GSPT1: variants seen among roughly 807,000 people sequenced by gnomAD.
The protein encoded by GSPT1 is G1 to S phase transition 1, also known as eukaryotic peptide chain release factor GTP-binding subunit ERF3A.
In GSPT1, 20 loss-of-function variants were observed where a neutral mutation model predicts 72.5. The observed-to-expected ratio is 0.28, with a 90% CI of 0.19 to 0.40. GSPT1 has a LOEUF of 0.40. Ranked by LOEUF, GSPT1 falls within the 10% of genes least tolerant of loss-of-function variation. The pLI is 1.00. For missense variants in GSPT1, 580 were observed against 811.9 expected (o/e 0.71, Z 3.47); for synonymous variants, 334 against 293.5 (o/e 1.14, Z -1.41).
chr16:11,878,263 C>G (rs1186420327), intron 11 of GSPT1, among the ~76,000 whole-genome samples: 1 of 152,022 alleles, frequency 6.6e-6, no homozygotes, highest in African/African-American at 2.4e-5. Context: ...TTACAGGCAC[C>G]CACCACCATG....
chr16:11,879,752 A>C (rs988497490), intron 11 of GSPT1, among the ~76,000 whole-genome samples: 1 of 150,586 alleles, frequency 6.6e-6, no homozygotes, highest in Admixed American at 6.6e-5. Context: ...AAAAAAAAAA[A>C]AAACAAAACA....
At chr16:11,875,634 T>A (rs2054038716) in intron 14 of GSPT1, 127 bp downstream of exon 14, 1 of 629,938 alleles carries the variant, frequency 1.6e-6, no homozygotes, top group Admixed American at 3.4e-5. Flanking sequence ...AAAACACTCA[T>A]ACGAATAAGA....
chr16:11,886,429 C>T (rs1567439672), intron 9 of GSPT1, 42 bp downstream of exon 9: 1 of 1,394,022 alleles, frequency 7.2e-7, no homozygotes, highest in East Asian at 2.3e-5. Flanking sequence ...TAAGTAATAA[C>T]ATCCTTTTCC....
chr16:11,891,666 T>A (rs1034421001), intron 5 of GSPT1, among the ~76,000 whole-genome samples: 65 of 134,488 alleles, frequency 4.8e-4, no homozygotes, highest in Admixed American at 1.9e-3. Flanking sequence ...CTGGCCATAT[T>A]TTTTTTTTTT....
At chr16:11,891,377 T>C (rs2054258835) in intron 5 of GSPT1, among the ~76,000 whole-genome samples, 1 of 148,458 alleles carries the variant, frequency 6.7e-6, no homozygotes, top group South Asian at 2.1e-4. Context: ...TATTTTTTTT[T>C]TTGAGACAGA....
intron 5 of GSPT1, among the ~76,000 whole-genome samples, chr16:11,893,696 C>G (rs933732582): frequency 2.2e-4 from 34 of 152,166 alleles, no homozygotes; most frequent in African/African-American, 8.2e-4. Context: ...AGTGTGACGC[C>G]ACCAAAACTT....
Position 11,875,793 on chromosome 16 carries a change from G to C in GSPT1, c.1829C>G (p.Pro610Arg), listed in dbSNP as rs969134385. 1.2e-6 allele frequency: 2 copies of C among 1,612,264 alleles called. No individual in the cohort carries two copies. Among genetic ancestry groups the C allele is most frequent in the African/African-American group, 2.7e-5 (2 of 74,730 alleles). Reference protein sequence around the residue: ...TICLETFKDFPQMGRFTLRDE... With the variant: ...TICLETFKDFRQMGRFTLRDE... The stretch of plus-strand genomic sequence containing the variant: ...TCTTAAGGTGAAACGACCCATCTGA[G>C]GGAAGTCTTTAAAGGTCTCAAGGCA... The change falls in exon 14 of 15, where the codon CCT (proline) becomes CGT (arginine). Residue 610 changes from proline (P) to arginine (R), a missense_variant. Transcript: ENST00000434724.
At chr16:11,874,712 G>A (rs2054018669) in intron 14 of GSPT1, among the ~76,000 whole-genome samples, 1 of 152,010 alleles carries the variant, frequency 6.6e-6, no homozygotes, top group South Asian at 2.1e-4. Context: ...TTCATCCAAT[G>A]TAAAGTTCAG....
At chr16:11,874,962 C>A (rs191438122) in intron 14 of GSPT1, among the ~76,000 whole-genome samples, 5 of 152,146 alleles carry the variant, frequency 3.3e-5, no homozygotes, top group African/African-American at 7.2e-5. Context: ...GAGGCCAAGG[C>A]GGGCGGATCA....
chr16:11,905,483 C>A (rs1429068639), intron 1 of GSPT1, among the ~76,000 whole-genome samples: 1 of 152,110 alleles, frequency 6.6e-6, no homozygotes, highest in Non-Finnish European at 1.5e-5. Flanking sequence ...CATCCCCTAC[C>A]CTGAAGGGCT....
intron 5 of GSPT1, among the ~76,000 whole-genome samples, chr16:11,892,703 C>T (rs1347719581): frequency 6.6e-6 from 1 of 150,396 alleles, no homozygotes; most frequent in East Asian, 2.0e-4. Context: ...GTGGTGCATG[C>T]CTGTAATCCC....
intron 5 of GSPT1, among the ~76,000 whole-genome samples, chr16:11,892,851 A>AAAAAAAAAG (rs1567443552): frequency 3.5e-5 from 5 of 144,102 alleles, no homozygotes; most frequent in African/African-American, 1.1e-4. Flanking sequence ...AAAAAAAAAA[A>AAAAAAAAAG]AAAAGAAAAG....
intron 4 of GSPT1, chr16:11,895,211 A>G (rs2054319002): frequency 2.6e-6 from 1 of 387,664 alleles, no homozygotes; most frequent in East Asian, 4.6e-5. Flanking sequence ...AGGGCGGATG[A>G]CCTCAGGTCA....
intron 14 of GSPT1, among the ~76,000 whole-genome samples, chr16:11,873,620 C>T: frequency 6.6e-6 from 1 of 152,030 alleles, no homozygotes; most frequent in East Asian, 1.9e-4. Context: ...CAGAGTCTTA[C>T]TCTGTCACCC....
At chr16:11,896,198 C>T (rs2054336435) in intron 4 of GSPT1, among the ~76,000 whole-genome samples, 1 of 152,128 alleles carries the variant, frequency 6.6e-6, no homozygotes, top group Non-Finnish European at 1.5e-5. Context: ...CTGGTAAGGT[C>T]AATCCCATTA....
Position 11,915,774 on chromosome 16 carries a change from C to T in GSPT1, c.-54G>A. The T allele has an allele frequency of 2.5e-6, 4 of 1,570,096 alleles. No homozygotes were observed. The highest frequency in any genetic ancestry group is 3.4e-6 in the Non-Finnish European group (4 of 1,164,622). On this transcript the variant is annotated 5_prime_UTR_variant, in exon 1 of 15. Transcript: ENST00000434724. Reference sequence around the variant, plus strand: ...AGAGAGCGGGAAATGGAGGCAGGGGCGCCCGGCCGGAGAGGAGTGGGCAAC... The same window carrying T: ...AGAGAGCGGGAAATGGAGGCAGGGGTGCCCGGCCGGAGAGGAGTGGGCAAC...
intron 1 of GSPT1, among the ~76,000 whole-genome samples, chr16:11,907,189 G>C (rs2054500444): frequency 6.6e-6 from 1 of 152,192 alleles, no homozygotes; most frequent in Non-Finnish European, 1.5e-5. Context: ...TACTGAGACA[G>C]AACACAGAGA....
intron 14 of GSPT1, among the ~76,000 whole-genome samples, chr16:11,874,771 A>G (rs1309555029): frequency 2.0e-5 from 3 of 152,218 alleles, no homozygotes; most frequent in Admixed American, 1.3e-4. Flanking sequence ...CACTTTGTAG[A>G]TACAAAGTAG....
chr16:11,912,117 C>T (rs1246408733), intron 1 of GSPT1, among the ~76,000 whole-genome samples: 6 of 149,046 alleles, frequency 4.0e-5, no homozygotes, highest in African/African-American at 1.5e-4. Flanking sequence ...CCAAGGCGGG[C>T]AGATCACCTG....
Sources: allele counts gnomAD v4.1 joint callset (sites outside exome capture counted in the v4.1 genomes callset), GRCh38; gene constraint gnomAD v4.1.1; transcripts MANE v1.5; gene names NCBI Gene and HGNC (gene_info 2026-07-23, HGNC 2026-07-21).